Variants in TOMM20L observed in about 807,000 individuals in gnomAD.
TOMM20L encodes the protein translocase of outer mitochondrial membrane 20 like.
TOMM20L carries 19 observed loss-of-function variants against 20.4 expected under a neutral mutation model. That is an observed-to-expected ratio of 0.93 (90% confidence interval 0.65 to 1.36). The LOEUF (loss-of-function observed/expected upper bound fraction) is 1.36. Ranked by LOEUF, TOMM20L falls within the 40% of genes most tolerant of loss-of-function variation. The pLI is 0.00. For missense variants in TOMM20L, 218 were observed against 203.7 expected, an observed-to-expected ratio of 1.07 and a Z score of -0.43; for synonymous variants, 75 against 79.6, an observed-to-expected ratio of 0.94 and a Z score of 0.30.
chr14:58,396,588 A>G (rs2035926622), intron 2 of TOMM20L, among the ~76,000 whole-genome samples: 1 of 152,256 alleles, frequency 6.6e-6, no homozygotes, highest in East Asian at 1.9e-4. Context: ...AACACTGTAC[A>G]ACAGGCACTT....
In TOMM20L at chr14:58,399,885, CATATATATATATATAT is replaced by C. The variant is rs869260438; in HGVS notation, c.181-2766_181-2751del. 1.8e-3 allele frequency among the ~76,000 whole-genome samples: 67 copies of C among 37,314 alleles called. 2 individuals are homozygous for C. The highest frequency in any genetic ancestry group is 4.1e-3 in the East Asian group (4 of 966). 24.5% of individuals were successfully genotyped at this position (37,314 alleles called of 152,430 possible). ...ATTCTTATTTTCAAATGCTCTATTG[CATATATATATATATAT>C]ATATATATATATATATATATATATA... On this transcript the variant is annotated intron_variant, in intron 2 of 4. Coordinates refer to ENST00000360945, the MANE Select transcript of TOMM20L (RefSeq NM_207377.3).
At chr14:58,411,157 C>T (rs1047280816), downstream of TOMM20L, among the ~76,000 whole-genome samples, 1 of 152,030 alleles carries the variant, frequency 6.6e-6, no homozygotes, top group African/African-American at 2.4e-5. Flanking sequence ...ATTAAAAATA[C>T]ATATGCTTGG....
At chr14:58,402,252 G>A (rs1182606702) in intron 2 of TOMM20L, among the ~76,000 whole-genome samples, 1 of 151,712 alleles carries the variant, frequency 6.6e-6, no homozygotes, top group African/African-American at 2.4e-5. Context: ...GTCATACTTT[G>A]GATTTAGAGA....
chr14:58,412,751 A>G (rs542490281), downstream of TOMM20L, among the ~76,000 whole-genome samples: 1 of 152,150 alleles, frequency 6.6e-6, no homozygotes, highest in African/African-American at 2.4e-5. Context: ...AAATACAAAA[A>G]TTGGCCAGAC....
the TOMM20L span, among the ~76,000 whole-genome samples, chr14:58,414,070 A>G: frequency 6.6e-5 from 10 of 151,364 alleles, no homozygotes; most frequent in Admixed American, 4.6e-4. Context: ...TGAAACAGAA[A>G]TTAAACAGCA....
intron 2 of TOMM20L, among the ~76,000 whole-genome samples, chr14:58,400,169 G>T (rs1414858488): frequency 6.6e-6 from 1 of 151,742 alleles, no homozygotes; most frequent in African/African-American, 2.4e-5. Context: ...ACTTTGAGAG[G>T]CTGAGGTGGT....
chr14:58,401,585 G>C (rs1240443750), intron 2 of TOMM20L, among the ~76,000 whole-genome samples: 1 of 147,380 alleles, frequency 6.8e-6, no homozygotes, highest in Non-Finnish European at 1.5e-5. Context: ...AAAAAAAAAA[G>C]GTGACCCCTT....
At chr14:58,396,644 C>T (rs1170006445) in intron 2 of TOMM20L, among the ~76,000 whole-genome samples, 1 of 152,252 alleles carries the variant, frequency 6.6e-6, no homozygotes, top group Non-Finnish European at 1.5e-5. Context: ...CTGTCAGAGC[C>T]GCACAGGACA....
intron 2 of TOMM20L, among the ~76,000 whole-genome samples, chr14:58,400,906 A>G (rs2035985720): frequency 1.3e-5 from 2 of 152,090 alleles, no homozygotes; most frequent in Admixed American, 6.6e-5. Context: ...CATTTACCCT[A>G]TCATAATCTA....
downstream of TOMM20L, among the ~76,000 whole-genome samples, chr14:58,409,815 T>TG (rs1402414995): frequency 6.6e-6 from 1 of 152,054 alleles, no homozygotes; most frequent in African/African-American, 2.4e-5. Context: ...CCTGACCTCG[T>TG]GATCCGCCTG....
At chr14:58,404,090 C>CATATATGTGTGTGTGTATATATATAT (rs1470382627) in intron 3 of TOMM20L, among the ~76,000 whole-genome samples, 3 of 16,836 alleles carry the variant, frequency 1.8e-4, no homozygotes, top group East Asian at 1.7e-3. Context: ...TGTATATATA[C>CATATATGTGTGTGTGTATATATATAT]ATATATATGT....
the TOMM20L span, among the ~76,000 whole-genome samples, chr14:58,414,281 C>T: frequency 6.6e-6 from 1 of 151,856 alleles, no homozygotes; most frequent in South Asian, 2.1e-4. Context: ...TTATGAAGTT[C>T]GTTGAAACTA....
the TOMM20L span, among the ~76,000 whole-genome samples, chr14:58,414,742 A>AG: frequency 6.6e-6 from 1 of 151,290 alleles, no homozygotes; most frequent in African/African-American, 2.4e-5. Context: ...ATCTCAAAAA[A>AG]AAAAAAAAAG....
At chr14:58,403,614 G>A (rs1364771655) in intron 3 of TOMM20L, among the ~76,000 whole-genome samples, 4 of 152,098 alleles carry the variant, frequency 2.6e-5, no homozygotes, top group South Asian at 2.1e-4. Flanking sequence ...CGAGGTGGGC[G>A]GATCATGAGG....
intron 2 of TOMM20L, among the ~76,000 whole-genome samples, 172 bp from the exon 3 acceptor site, chr14:58,402,508 G>A (rs916978411): frequency 2.6e-5 from 4 of 151,868 alleles, no homozygotes; most frequent in Non-Finnish European, 5.9e-5. Flanking sequence ...GGCTGGTCTC[G>A]AACTCCCGAC....
At chr14:58,403,796 C>G (rs1244739513) in intron 3 of TOMM20L, among the ~76,000 whole-genome samples, 1 of 151,748 alleles carries the variant, frequency 6.6e-6, no homozygotes, top group Non-Finnish European at 1.5e-5. Context: ...CGAGATCGCA[C>G]GACTGCACTC....
intron 2 of TOMM20L, among the ~76,000 whole-genome samples, chr14:58,401,267 T>C (rs1005929562): frequency 6.6e-6 from 1 of 152,166 alleles, no homozygotes; most frequent in Non-Finnish European, 1.5e-5. Context: ...TATTTGATAA[T>C]ACAAGCTTAA....
the TOMM20L span, among the ~76,000 whole-genome samples, chr14:58,413,810 A>G: frequency 6.6e-6 from 1 of 151,484 alleles, no homozygotes; most frequent in Non-Finnish European, 1.5e-5. Context: ...GATCGAGACC[A>G]TCCTGGCTAA....
chr14:58,398,558 G>T (rs2035953928), intron 2 of TOMM20L: 1 of 151,966 alleles, frequency 6.6e-6, no homozygotes, highest in African/African-American at 2.4e-5. Context: ...CAATTATTTT[G>T]GTTTTATTTT....
Sources: gnomAD v4.1 joint callset for allele counts (sites outside exome capture counted in the v4.1 genomes callset) on GRCh38, gnomAD v4.1.1 for gene constraint, MANE v1.5 for transcripts, NCBI Gene and HGNC (gene_info 2026-07-23, HGNC 2026-07-21) for gene names.